Variants in IFIT5 observed in about 807,000 individuals in gnomAD.
IFIT5 encodes interferon-induced protein with tetratricopeptide repeats 5.
A neutral mutation model predicts 5.0 loss-of-function variants in IFIT5; 2 were observed. That is an observed-to-expected ratio of 0.40 (90% confidence interval 0.16 to 1.26). The LOEUF (loss-of-function observed/expected upper bound fraction) is 1.26. IFIT5 is among the 50% of genes most tolerant of loss of function. The pLI is 0.33. For missense variants in IFIT5, 524 were observed against 563.2 expected, an observed-to-expected ratio of 0.93 and a Z score of 0.70; for synonymous variants, 206 against 204.6, an observed-to-expected ratio of 1.01 and a Z score of -0.06.
At chr10:89,415,357 T>TC (rs1841524890) in intron 1 of IFIT5, among the ~76,000 whole-genome samples, 1 of 152,152 alleles carries the variant, frequency 6.6e-6, no homozygotes, top group African/African-American at 2.4e-5. Context: ...CAGCTGCCAT[T>TC]CCCTCGGTGT....
In IFIT5 at chr10:89,420,609, C is replaced by T. The variant is rs1448262333; in HGVS notation, c.*1961C>T. ...GAGATTTCTGCACTTTAAACAAGCT[C>T]CTCCTAGGTGAGGATGCTGTGGCTG... On this transcript the variant is annotated 3_prime_UTR_variant, in exon 2 of 2. Coordinates refer to ENST00000371795, the MANE Select transcript of IFIT5 (RefSeq NM_012420.3). 6.6e-6 allele frequency: 1 copy of T among 152,210 alleles called. No individual in the cohort carries two copies. Among genetic ancestry groups the T allele is most frequent in the Non-Finnish European group, 1.5e-5 (1 of 68,030 alleles). 9.4% of individuals were successfully genotyped at this position (152,210 alleles called of 1,614,324 possible).
intron 1 of IFIT5, 78 bp from the exon 2 acceptor site, chr10:89,417,127 G>T: frequency 8.1e-7 from 1 of 1,238,282 alleles, no homozygotes; most frequent in Non-Finnish European, 1.1e-6. Flanking sequence ...TAGTTGTTAT[G>T]CAAAGAACAA....
rs748053021 is a variant in IFIT5, at chr10:89,417,500, G to A, written c.301G>A (p.Ala101Thr). ...AAGCCTGGTCACTTGGGGAAACTAT[G>A]CCTGGGTGTATTATCACATGGACCA... ...VRSLVTWGNY[A>T]WVYYHMDQLE... is the part of the protein sequence containing the mutation. The change falls in exon 2 of 2, where the codon GCC becomes ACC. Residue 101 changes from alanine to threonine, a missense_variant. Transcript: ENST00000371795. 13 of 1,614,178 alleles carry A rather than the reference G, an allele frequency of 8.1e-6. No homozygotes were observed. Among genetic ancestry groups the A allele is most frequent in the Non-Finnish European group, 1.1e-5 (13 of 1,180,030 alleles).
rs1050469252 is a variant in IFIT5, at chr10:89,418,827, TTC to T, written c.*181_*182del. The stretch of plus-strand genomic sequence containing the variant: ...GCATTATGATGAATCTTGTGCGGTT[TTC>T]TTTCTTTTTTTCTTTTTAATTAAAA... On this transcript the variant is annotated 3_prime_UTR_variant, in exon 2 of 2. Transcript: ENST00000371795. 3 of 536,136 alleles carry T rather than the reference TTC, an allele frequency of 5.6e-6. No individual in the cohort carries two copies. The highest frequency in any genetic ancestry group is 9.1e-6 in the Non-Finnish European group (3 of 329,656). 33.2% of individuals were successfully genotyped at this position (536,136 alleles called of 1,614,324 possible). A position where few individuals can be genotyped will look rare whatever the true frequency, so the allele number is the denominator to read the frequency against.
rs1393388027 is a variant in IFIT5, at chr10:89,419,866, T to C, written c.*1218T>C. On this transcript the variant is annotated 3_prime_UTR_variant, in exon 2 of 2. Transcript: ENST00000371795. ...ACACAATTATGTACCATCACAGTAT[T>C]AGTGGAAAAGTACCATGTGATTTAA... 1.3e-5 allele frequency: 2 copies of C among 152,146 alleles called. No homozygotes were observed. The highest frequency in any genetic ancestry group is 4.8e-5 in the African/African-American group (2 of 41,446). The allele number at this position is 152,146 out of a possible 1,614,324, so 9.4% of individuals were successfully genotyped here. A position where few individuals can be genotyped will look rare whatever the true frequency, so the allele number is the denominator to read the frequency against.
Position 89,418,537 on chromosome 10 carries a change from G to A in IFIT5, c.1338G>A (p.Lys446=). 1 of 1,614,152 alleles carries A rather than the reference G, an allele frequency of 6.2e-7. No individual in the cohort carries two copies. The highest frequency in any genetic ancestry group is 1.7e-5 in the Admixed American group (1 of 60,024). ...QSLSALGFVY[K]LEGEKRQAAE... ...TAAGTGCCCTAGGGTTTGTTTACAA[G>A]CTGGAAGGAGAAAAGAGGCAAGCTG... Residue 446 remains lysine (K), a synonymous_variant, in exon 2 of 2, where the codon AAG becomes AAA. Transcript: ENST00000371795.
intron 1 of IFIT5, among the ~76,000 whole-genome samples, chr10:89,416,058 G>T (rs1841533710): frequency 6.6e-6 from 1 of 152,212 alleles, no homozygotes; most frequent in African/African-American, 2.4e-5. Flanking sequence ...GTGTAGCTGG[G>T]ATTACAGGCG....
rs905138351 is a variant in IFIT5, at chr10:89,419,152, T to C, written c.*504T>C. On this transcript the variant is annotated 3_prime_UTR_variant, in exon 2 of 2. Coordinates refer to ENST00000371795, the MANE Select transcript of IFIT5 (RefSeq NM_012420.3). ...ATCAATCTAATAGTCACCTAAAATA[T>C]CTTTTTTGTTGGAAAAAAGTTTATA... 6.6e-6 allele frequency: 1 copy of C among 152,194 alleles called. No individual in the cohort carries two copies. The highest frequency in any genetic ancestry group is 2.4e-5 in the African/African-American group (1 of 41,452). The allele number at this position is 152,194 out of a possible 1,614,324, so 9.4% of individuals were successfully genotyped here.
chr10:89,415,582 A>G (rs2133651063), intron 1 of IFIT5, among the ~76,000 whole-genome samples: 1 of 152,158 alleles, frequency 6.6e-6, no homozygotes, highest in South Asian at 2.1e-4. Context: ...TTTCTTGATC[A>G]TTTTGTATCC....
chr10:89,414,793 G>A lies in IFIT5; in HGVS notation c.-6G>A. On this transcript the variant is annotated 5_prime_UTR_variant, in exon 1 of 2. Transcript: ENST00000371795. ...CCGCCCGGACGGCCTGCAGAGCGCT[G>A]CCATCATGAGGTAAGGGTTTTCCTT... 1.2e-6 allele frequency: 2 copies of A among 1,609,422 alleles called. No individual in the cohort carries two copies.
rs779073954 is a variant in IFIT5 at position 89,417,354 on chromosome 10, C to G, written c.155C>G (p.Ala52Gly). The G allele has an allele frequency of 6.2e-7, 1 of 1,614,128 alleles. No individual in the cohort carries two copies. The highest frequency in any genetic ancestry group is 1.3e-5 in the African/African-American group (1 of 75,024). Residue 52 changes from alanine (A) to glycine (G), a missense_variant, in exon 2 of 2, where the codon GCT (alanine) becomes GGT (glycine). Coordinates refer to ENST00000371795, the MANE Select transcript of IFIT5 (RefSeq NM_012420.3). ...LEFLTTKSRL[A>G]LYNLLAYVKH... Reference sequence around the variant, plus strand: ...TTTCTTACCACAAAATCTAGACTTGCTCTTTATAACCTATTGGCCTATGTG... The same window carrying G: ...TTTCTTACCACAAAATCTAGACTTGGTCTTTATAACCTATTGGCCTATGTG...
At position 89,418,402 on chromosome 10, in the gene IFIT5, A is replaced by G; in HGVS notation, c.1203A>G (p.Leu401=). ...AAAATACTGCCATCCATCATTATTTAGAAGCCTTAAAGGTCAAAGACAGAT... is the reference window on the plus strand; with the variant it reads ...AAAATACTGCCATCCATCATTATTTGGAAGCCTTAAAGGTCAAAGACAGAT... The part of the protein sequence containing the change: ...KSENTAIHHY[L]EALKVKDRSP... Residue 401 remains leucine (L), a synonymous_variant, in exon 2 of 2, where the codon TTA becomes TTG. Transcript: ENST00000371795. 1 of 1,614,238 alleles carries G rather than the reference A, an allele frequency of 6.2e-7. No individual in the cohort carries two copies. The highest frequency in any genetic ancestry group is 8.5e-7 in the Non-Finnish European group (1 of 1,180,034).
At chr10:89,416,915 A>G (rs1841543247) in intron 1 of IFIT5, among the ~76,000 whole-genome samples, 1 of 152,186 alleles carries the variant, frequency 6.6e-6, no homozygotes, top group South Asian at 2.1e-4. Flanking sequence ...TTCATTCCTA[A>G]TTTTCAATGG....
chr10:89,414,896 G>C, intron 1 of IFIT5, 93 bp downstream of exon 1: 1 of 1,488,324 alleles, frequency 6.7e-7, no homozygotes, highest in Admixed American at 2.1e-5. Flanking sequence ...CAGTTCTGCG[G>C]CCTTTTCAGG....
chr10:89,419,872 A>C lies in IFIT5; in HGVS notation c.*1224A>C, dbSNP rs961296749. ...TTATGTACCATCACAGTATTAGTGG[A>C]AAAGTACCATGTGATTTAATTCTCC... On this transcript the variant is annotated 3_prime_UTR_variant, in exon 2 of 2. Coordinates refer to ENST00000371795, the MANE Select transcript of IFIT5 (RefSeq NM_012420.3). 1 of 152,120 alleles carries C rather than the reference A, an allele frequency of 6.6e-6. No individual in the cohort carries two copies. Among genetic ancestry groups the C allele is most frequent in the African/African-American group, 2.4e-5 (1 of 41,434 alleles). The allele number at this position is 152,120 out of a possible 1,614,324, so 9.4% of individuals were successfully genotyped here. A position where few individuals can be genotyped will look rare whatever the true frequency, so the allele number is the denominator to read the frequency against.
In IFIT5 at chr10:89,415,763, CT is replaced by C. The variant is rs770589049; in HGVS notation, c.5+961del. On this transcript the variant is annotated intron_variant, in intron 1 of 1. Coordinates refer to ENST00000371795, the MANE Select transcript of IFIT5 (RefSeq NM_012420.3). ...CCAAAGTTTCTCAAACTCTGTGAGT[CT>C]GTTCCTTATTTGTAAAAATTAATGG... Among the ~76,000 whole-genome samples, 9 of 152,304 alleles carry C rather than the reference CT, an allele frequency of 5.9e-5. No individual in the cohort carries two copies. The East Asian group carries it at 1.3e-3, about 23-fold the overall frequency.
In IFIT5 at chr10:89,417,605, G is replaced by A. The variant is rs930257666; in HGVS notation, c.406G>A (p.Glu136Lys). 9.3e-6 allele frequency: 15 copies of A among 1,614,100 alleles called. No homozygotes were observed. The highest frequency in any genetic ancestry group is 3.3e-5 in the Admixed American group (2 of 60,014). ...KLSSPSNYKLECPETDCEKGW... is the reference protein window; with the variant it reads ...KLSSPSNYKLKCPETDCEKGW... ...GTCCAGTCCTTCTAACTACAAGTTGGAGTGTCCTGAGACTGACTGTGAGAA... is the reference window on the plus strand; with the variant it reads ...GTCCAGTCCTTCTAACTACAAGTTGAAGTGTCCTGAGACTGACTGTGAGAA... The change falls in exon 2 of 2, where the codon GAG (glutamate) becomes AAG (lysine). Residue 136 changes from glutamate (E) to lysine (K), a missense_variant. Physicochemically the swap from Glu to Lys is moderately conservative, Grantham distance 56. Coordinates refer to ENST00000371795, the MANE Select transcript of IFIT5 (RefSeq NM_012420.3).
chr10:89,417,359 T>C lies in IFIT5; in HGVS notation c.160T>C (p.Tyr54His). 1 of 1,614,180 alleles carries C rather than the reference T, an allele frequency of 6.2e-7. No homozygotes were observed. The highest frequency in any genetic ancestry group is 8.5e-7 in the Non-Finnish European group (1 of 1,180,046). Residue 54 changes from tyrosine (Y) to histidine (H), a missense_variant, in exon 2 of 2, where the codon TAT (tyrosine) becomes CAT (histidine). By Grantham distance (83) the Tyr-to-His change is moderately conservative. Transcript: ENST00000371795. ...TACCACAAAATCTAGACTTGCTCTTTATAACCTATTGGCCTATGTGAAACA... is the reference window on the plus strand; with the variant it reads ...TACCACAAAATCTAGACTTGCTCTTCATAACCTATTGGCCTATGTGAAACA... ...FLTTKSRLALYNLLAYVKHLK... is the reference protein window; with the variant it reads ...FLTTKSRLALHNLLAYVKHLK...
intron 1 of IFIT5, 83 bp from the exon 2 acceptor site, chr10:89,417,122 G>A (rs2133653082): frequency 8.5e-7 from 1 of 1,174,432 alleles, no homozygotes; most frequent in Non-Finnish European, 1.2e-6. Flanking sequence ...AAAATTAGTT[G>A]TTATGCAAAG....
Sources: gnomAD v4.1 joint callset for allele counts (sites outside exome capture counted in the v4.1 genomes callset) on GRCh38, gnomAD v4.1.1 for gene constraint, MANE v1.5 for transcripts, NCBI Gene and HGNC (gene_info 2026-07-23, HGNC 2026-07-21) for gene names.